COL26A1: variants seen among roughly 807,000 people sequenced by gnomAD.
The protein encoded by COL26A1 is collagen type XXVI alpha 1 chain.
In COL26A1, 41 loss-of-function variants were observed where a neutral mutation model predicts 59.3. The ratio of observed to expected loss-of-function variants is 0.69; its 90% CI spans 0.54 to 0.90. The LOEUF (loss-of-function observed/expected upper bound fraction) is 0.90, where lower values mean the gene tolerates loss of function less well. Among genes scored for constraint, COL26A1 ranks in the 40% least tolerant of loss-of-function variants. The pLI, the probability that COL26A1 is intolerant of heterozygous loss-of-function variation, is 0.00. For missense variants in COL26A1, 612 were observed against 602.3 expected (o/e 1.02, Z -0.17); for synonymous variants, 266 against 256.0 (o/e 1.04, Z -0.37).
At chr7:101,516,746 C>T (rs10240143) in intron 3 of COL26A1, among the ~76,000 whole-genome samples, 2,097 of 152,232 alleles carry the variant, frequency 0.014, 38 homozygotes, top group African/African-American at 0.048. Context: ...GGTCACACAG[C>T]GTGTCGGGGG....
chr7:101,512,778 C>T (rs1794953185), intron 3 of COL26A1, among the ~76,000 whole-genome samples: 1 of 152,066 alleles, frequency 6.6e-6, no homozygotes, highest in Non-Finnish European at 1.5e-5. Context: ...AGTAATAGGT[C>T]CTTACCATGT....
chr7:101,552,688 C>G (rs1264882840), intron 10 of COL26A1, among the ~76,000 whole-genome samples: 1 of 152,206 alleles, frequency 6.6e-6, no homozygotes, highest in Non-Finnish European at 1.5e-5. Flanking sequence ...AGGCAGATCA[C>G]CTGAAGTCAG....
At chr7:101,425,211 C>G (rs939567910) in intron 2 of COL26A1, among the ~76,000 whole-genome samples, 1 of 147,978 alleles carries the variant, frequency 6.8e-6, no homozygotes. Context: ...ATGGTGAAAC[C>G]CTGTCTCTAC....
At position 101,401,717 on chromosome 7, in the gene COL26A1, AGAG is replaced by A. The variant is rs552797558; in HGVS notation, c.159-18253_159-18251del. ...AGGAGGAAGAGTAGGAGGTAGAGGAAGAGGAGGAGAAGGAAGAGAAGGAGGAGG... is the reference window on the plus strand; with the variant it reads ...AGGAGGAAGAGTAGGAGGTAGAGGAAGAGGAGAAGGAAGAGAAGGAGGAGG... On this transcript the variant is annotated intron_variant, in intron 1 of 12. Transcript: ENST00000313669. Among the ~76,000 whole-genome samples the A allele has an allele frequency of 7.9e-3, 998 of 126,270 alleles. 14 individuals carry two copies. Among genetic ancestry groups the A allele is most frequent in the African/African-American group, 0.031 (955 of 31,208 alleles). The allele number at this position is 126,270 out of a possible 152,430, so 82.8% of individuals were successfully genotyped here.
intron 3 of COL26A1, among the ~76,000 whole-genome samples, chr7:101,456,619 A>G (rs34350402): frequency 0.46 from 66,381 of 145,610 alleles, 15,323 homozygotes; most frequent in Middle Eastern, 0.54. Context: ...AGCCGAGATC[A>G]CGCCATTGCA....
rs1393409599 is a variant in COL26A1 at position 101,533,131 on chromosome 7, A to G, written c.435A>G (p.Thr145=). 5 of 1,605,322 alleles carry G rather than the reference A, an allele frequency of 3.1e-6. No homozygotes were observed. In the East Asian group the frequency reaches 1.1e-4, roughly 36 times the overall value. ...GTGACATGAGTGAGCGACTGACCAC[A>G]CTGGAGGCCAAGGTCAGTCGGGCTG... The part of the protein sequence containing the change: ...RLSDMSERLT[T]LEAKVLLLEA... The change falls in exon 4 of 13, where the codon ACA becomes ACG. Residue 145 remains threonine, a synonymous_variant. Transcript: ENST00000313669.
intron 1 of COL26A1, among the ~76,000 whole-genome samples, chr7:101,367,098 T>G (rs890490661): frequency 1.3e-5 from 2 of 152,210 alleles, no homozygotes; most frequent in African/African-American, 4.8e-5. Context: ...CCCCTGTATC[T>G]CTTCTATTTT....
chr7:101,465,764 T>C (rs192874743), intron 3 of COL26A1, among the ~76,000 whole-genome samples: 2 of 148,652 alleles, frequency 1.3e-5, no homozygotes, highest in Non-Finnish European at 3.0e-5. Context: ...GGCAGTGATA[T>C]AAGACATCAG....
chr7:101,500,045 T>A (rs1161292504), intron 3 of COL26A1, among the ~76,000 whole-genome samples: 1 of 152,168 alleles, frequency 6.6e-6, no homozygotes, highest in Non-Finnish European at 1.5e-5. Context: ...GATGCATCAA[T>A]TAGCTGTCTT....
At chr7:101,504,722 C>T (rs1382501951) in intron 3 of COL26A1, among the ~76,000 whole-genome samples, 3 of 152,186 alleles carry the variant, frequency 2.0e-5, no homozygotes, top group Non-Finnish European at 4.4e-5. Flanking sequence ...CCACACGATG[C>T]TGCTGAGTTC....
intron 1 of COL26A1, among the ~76,000 whole-genome samples, chr7:101,372,709 G>A (rs1791223393): frequency 6.6e-6 from 1 of 152,046 alleles, no homozygotes; most frequent in Non-Finnish European, 1.5e-5. Context: ...CAGAGTGGCT[G>A]GACTAATGGG....
At chr7:101,366,185 C>T (rs140269108) in intron 1 of COL26A1, among the ~76,000 whole-genome samples, 43 of 152,328 alleles carry the variant, frequency 2.8e-4, no homozygotes, top group South Asian at 8.3e-4. Flanking sequence ...GAAAGCCCAG[C>T]GTGGGCATTG....
chr7:101,419,250 G>A (rs1213793078), intron 1 of COL26A1, among the ~76,000 whole-genome samples: 2 of 151,842 alleles, frequency 1.3e-5, no homozygotes, highest in East Asian at 3.9e-4. Context: ...GGGACTACAT[G>A]TGTGTGCCAC....
At chr7:101,504,482 G>A (rs996876270) in intron 3 of COL26A1, among the ~76,000 whole-genome samples, 1 of 152,128 alleles carries the variant, frequency 6.6e-6, no homozygotes, top group African/African-American at 2.4e-5. Flanking sequence ...CCCTGTCTAT[G>A]CTCGCCTGAT....
chr7:101,487,964 T>C (rs984534363), intron 3 of COL26A1, among the ~76,000 whole-genome samples: 1 of 151,980 alleles, frequency 6.6e-6, no homozygotes, highest in Admixed American at 6.6e-5. Flanking sequence ...GTCTTTTACA[T>C]TGAAGGCTTT....
chr7:101,406,461 C>T (rs971044633), intron 1 of COL26A1, among the ~76,000 whole-genome samples: 7 of 152,094 alleles, frequency 4.6e-5, no homozygotes, highest in African/African-American at 1.7e-4. Context: ...AGGGATGACC[C>T]GATTTGTGCC....
At chr7:101,533,974 C>T (rs907860003) in intron 4 of COL26A1, among the ~76,000 whole-genome samples, 5 of 152,306 alleles carry the variant, frequency 3.3e-5, no homozygotes, top group East Asian at 3.9e-4. Flanking sequence ...GCGTGTGGGG[C>T]GCCAACAGTG....
intron 3 of COL26A1, among the ~76,000 whole-genome samples, chr7:101,455,628 A>G (rs781714394): frequency 5.3e-5 from 8 of 149,626 alleles, no homozygotes; most frequent in Non-Finnish European, 1.0e-4. Flanking sequence ...TCAGCCTCCC[A>G]GGTAGCTGGG....
intron 10 of COL26A1, 95 bp from the exon 11 acceptor site, chr7:101,553,231 G>T (rs1413937886): frequency 2.6e-6 from 3 of 1,137,310 alleles, no homozygotes; most frequent in African/African-American, 3.0e-5. Flanking sequence ...TGCCCAGCCT[G>T]CCCCTGACTC....
Sources: gnomAD v4.1 joint callset for allele counts (sites outside exome capture counted in the v4.1 genomes callset) on GRCh38, gnomAD v4.1.1 for gene constraint, MANE v1.5 for transcripts, NCBI Gene and HGNC (gene_info 2026-07-23, HGNC 2026-07-21) for gene names.